The following RASAL2 variants were observed in gnomAD, a reference collection of about 807,000 sequenced individuals.
RASAL2 encodes RAS protein activator like 2.
A neutral mutation model predicts 128.9 loss-of-function variants in RASAL2; 58 were observed. That is an observed-to-expected ratio of 0.45 (90% CI 0.36 to 0.56). The LOEUF (loss-of-function observed/expected upper bound fraction) is 0.56. Among genes scored for constraint, RASAL2 ranks in the 20% least tolerant of loss-of-function variants. The probability of loss-of-function intolerance (pLI) is 0.00; values close to 1 mark genes in which losing one functional copy is unlikely to be tolerated. For missense variants in RASAL2, 1,360 were observed against 1,601.6 expected (o/e 0.85, Z 2.57); for synonymous variants, 561 against 580.8 (o/e 0.97, Z 0.49).
At chr1:178,337,295 A>G (rs1310545671) in intron 3 of RASAL2, among the ~76,000 whole-genome samples, 1 of 152,220 alleles carries the variant, frequency 6.6e-6, no homozygotes, top group South Asian at 2.1e-4. Flanking sequence ...GAGCAGAAGT[A>G]TGTATGTATG....
chr1:178,300,577 GTC>G (rs1169804795), intron 3 of RASAL2, among the ~76,000 whole-genome samples: 2 of 152,192 alleles, frequency 1.3e-5, no homozygotes, highest in Admixed American at 6.5e-5. Context: ...AATCTTGCAT[GTC>G]TCATAAAAGT....
At chr1:178,114,583 G>A (rs554177609) in intron 1 of RASAL2, among the ~76,000 whole-genome samples, 7 of 151,660 alleles carry the variant, frequency 4.6e-5, no homozygotes, top group South Asian at 2.1e-4. Context: ...GTGCAATGGC[G>A]GGATATCTGC....
chr1:178,216,695 A>G (rs999559502), intron 1 of RASAL2, among the ~76,000 whole-genome samples: 3 of 152,214 alleles, frequency 2.0e-5, no homozygotes, highest in Non-Finnish European at 4.4e-5. Context: ...GCTGAAGTGC[A>G]GTGGCACGAT....
intron 1 of RASAL2, among the ~76,000 whole-genome samples, chr1:178,128,316 A>T (rs541229747): frequency 8.5e-4 from 130 of 152,254 alleles, no homozygotes; most frequent in Non-Finnish European, 1.3e-3. Context: ...TGGTCATGCC[A>T]TTTATTAACT....
chr1:178,124,573 AG>A (rs1237499772), intron 1 of RASAL2, among the ~76,000 whole-genome samples: 1 of 152,210 alleles, frequency 6.6e-6, no homozygotes, highest in Non-Finnish European at 1.5e-5. Context: ...CGAGTAGCTT[AG>A]TAAGTTGTGG....
intron 1 of RASAL2, among the ~76,000 whole-genome samples, chr1:178,279,278 C>G (rs1226457685): frequency 3.9e-5 from 6 of 152,108 alleles, no homozygotes; most frequent in African/African-American, 1.4e-4. Context: ...TTTATTCTCT[C>G]ATCTCTTTTG....
intron 4 of RASAL2, among the ~76,000 whole-genome samples, chr1:178,403,060 A>C (rs1393026939): frequency 6.6e-6 from 1 of 152,162 alleles, no homozygotes; most frequent in Non-Finnish European, 1.5e-5. Context: ...TGAGATTAGC[A>C]CAGTCTCTGT....
chr1:178,123,075 C>T (rs1659774434), intron 1 of RASAL2: 1 of 152,138 alleles, frequency 6.6e-6, no homozygotes, highest in South Asian at 2.1e-4. Context: ...CTAAAAATCA[C>T]CTGGAATGCT....
intron 1 of RASAL2, among the ~76,000 whole-genome samples, chr1:178,257,903 A>C (rs1225792149): frequency 6.6e-6 from 1 of 152,046 alleles, no homozygotes; most frequent in African/African-American, 2.4e-5. Flanking sequence ...TTGGATTGGC[A>C]AAGTATTTCT....
At chr1:178,443,983 T>C (rs1345362972) in intron 8 of RASAL2, among the ~76,000 whole-genome samples, 4 of 152,194 alleles carry the variant, frequency 2.6e-5, no homozygotes, top group Non-Finnish European at 2.9e-5. Context: ...AAAGTACTAT[T>C]ACTATTTCTT....
At chr1:178,114,546 G>A (rs1659454645) in intron 1 of RASAL2, among the ~76,000 whole-genome samples, 1 of 150,676 alleles carries the variant, frequency 6.6e-6, no homozygotes, top group South Asian at 2.1e-4. Flanking sequence ...CTTTGAGATG[G>A]AGTCTCGCTC....
chr1:178,273,860 G>A (rs745416592), intron 1 of RASAL2, among the ~76,000 whole-genome samples: 1 of 152,304 alleles, frequency 6.6e-6, no homozygotes, highest in African/African-American at 2.4e-5. Flanking sequence ...GAGGTCAGTG[G>A]TTTTTCATAA....
chr1:178,340,038 C>G (rs1323733933), intron 3 of RASAL2, among the ~76,000 whole-genome samples: 1 of 152,124 alleles, frequency 6.6e-6, no homozygotes, highest in Non-Finnish European at 1.5e-5. Context: ...ATATTGTACA[C>G]AAACCTGGCA....
At chr1:178,456,596 T>C (rs966688619) in intron 12 of RASAL2, 125 bp from the exon 13 acceptor site, 21 of 1,001,958 alleles carry the variant, frequency 2.1e-5, no homozygotes, top group African/African-American at 1.6e-4. Flanking sequence ...CACTCCCATA[T>C]GCAAACACTT....
intron 3 of RASAL2, among the ~76,000 whole-genome samples, chr1:178,368,672 C>T (rs917779489): frequency 6.6e-6 from 1 of 151,660 alleles, no homozygotes; most frequent in Non-Finnish European, 1.5e-5. Flanking sequence ...GGGTCTCACT[C>T]CGTCACCTAG....
intron 1 of RASAL2, among the ~76,000 whole-genome samples, chr1:178,250,970 G>A (rs1013022889): frequency 1.3e-5 from 2 of 152,142 alleles, no homozygotes; most frequent in African/African-American, 4.8e-5. Flanking sequence ...CATTTAGTAA[G>A]TGTCATGTTT....
chr1:178,424,420 A>G (rs140137498), intron 5 of RASAL2, among the ~76,000 whole-genome samples: 56 of 151,728 alleles, frequency 3.7e-4, no homozygotes, highest in African/African-American at 1.2e-3. Flanking sequence ...AAATCTTCAA[A>G]ATTTTTGAGA....
intron 1 of RASAL2, among the ~76,000 whole-genome samples, chr1:178,105,158 G>C (rs1271111818): frequency 6.6e-6 from 1 of 152,124 alleles, no homozygotes; most frequent in Non-Finnish European, 1.5e-5. Flanking sequence ...TCTGAGGAAA[G>C]TTTTTCATAA....
intron 1 of RASAL2, among the ~76,000 whole-genome samples, chr1:178,185,213 A>G (rs1327826672): frequency 1.3e-5 from 2 of 151,124 alleles, no homozygotes; most frequent in Non-Finnish European, 3.0e-5. Flanking sequence ...CCTTGCTATA[A>G]CTGCTTTTTG....
Sources: allele counts gnomAD v4.1 joint callset (sites outside exome capture counted in the v4.1 genomes callset), GRCh38; gene constraint gnomAD v4.1.1; transcripts MANE v1.5; gene names NCBI Gene and HGNC (gene_info 2026-07-23, HGNC 2026-07-21).